The following RASGRF2 variants were observed in gnomAD, a reference collection of about 807,000 sequenced individuals.
The protein encoded by RASGRF2 is ras-specific guanine nucleotide-releasing factor 2.
A neutral mutation model predicts 151.0 loss-of-function variants in RASGRF2; 76 were observed. The observed-to-expected ratio is 0.50, with a 90% CI of 0.42 to 0.61. RASGRF2 has a LOEUF of 0.61. Ranked by LOEUF, RASGRF2 falls within the 20% of genes least tolerant of loss-of-function variation. RASGRF2 has a pLI of 0.00. For missense variants in RASGRF2, 1,148 were observed against 1,564.6 expected (o/e 0.73, Z 4.49); for synonymous variants, 504 against 566.5 (o/e 0.89, Z 1.57).
chr5:81,041,567 T>C lies in RASGRF2; in HGVS notation c.289-1310T>C, dbSNP rs111763288. ...AACTGTGATCTGAGGACTCTCCTTG[T>C]TGTAAAGTTCCCCATTCCATGTCTG... On this transcript the variant is annotated intron_variant, in intron 1 of 26. Coordinates refer to ENST00000265080, the MANE Select transcript of RASGRF2 (RefSeq NM_006909.3). Among the ~76,000 whole-genome samples the C allele has an allele frequency of 5.9e-4, 90 of 152,356 alleles. 1 individual carries two copies. The highest frequency in any genetic ancestry group is 2.0e-3 in the African/African-American group (84 of 41,584).
At chr5:80,994,332 C>G (rs914535829) in intron 1 of RASGRF2, among the ~76,000 whole-genome samples, 21 of 146,498 alleles carry the variant, frequency 1.4e-4, no homozygotes, top group Non-Finnish European at 2.8e-4. Context: ...CACCACTGCA[C>G]TCCAGCCTGG....
At chr5:81,161,900 A>G (rs1391669343) in intron 17 of RASGRF2, among the ~76,000 whole-genome samples, 1 of 148,522 alleles carries the variant, frequency 6.7e-6, no homozygotes, top group Non-Finnish European at 1.5e-5. Context: ...TTATTTTGCC[A>G]GTCAGACCGT....
chr5:81,208,295 T>A, intron 21 of RASGRF2, 59 bp from the exon 22 acceptor site: 1 of 1,431,900 alleles, frequency 7.0e-7, no homozygotes. Context: ...CTGTCCAGGA[T>A]CATAGCCACC....
At chr5:81,081,758 T>C (rs1752093648) in intron 7 of RASGRF2, among the ~76,000 whole-genome samples, 1 of 152,222 alleles carries the variant, frequency 6.6e-6, no homozygotes, top group Admixed American at 6.5e-5. Context: ...GCCTTGAAGT[T>C]TGTCAGTCCT....
intron 6 of RASGRF2, 90 bp from the exon 7 acceptor site, chr5:81,080,506 G>A: frequency 7.5e-7 from 1 of 1,324,854 alleles, no homozygotes; most frequent in Non-Finnish European, 1.1e-6. Flanking sequence ...GTGACACCTG[G>A]TGCTGGGACC....
chr5:81,154,574 A>C (rs891969308), intron 17 of RASGRF2, among the ~76,000 whole-genome samples: 1 of 152,264 alleles, frequency 6.6e-6, no homozygotes, highest in Non-Finnish European at 1.5e-5. Context: ...TCTCCAAGAT[A>C]CACCATACAT....
At chr5:81,003,362 A>T (rs962788771) in intron 1 of RASGRF2, among the ~76,000 whole-genome samples, 10 of 151,992 alleles carry the variant, frequency 6.6e-5, no homozygotes, top group African/African-American at 2.4e-4. Flanking sequence ...AGCTGGGACT[A>T]CAGGTGCCCA....
intron 1 of RASGRF2, among the ~76,000 whole-genome samples, chr5:80,993,699 G>T (rs1469448060): frequency 6.6e-6 from 1 of 152,218 alleles, no homozygotes; most frequent in Admixed American, 6.5e-5. Context: ...AGGCAAGAGG[G>T]AAGGGAGTGG....
intron 17 of RASGRF2, among the ~76,000 whole-genome samples, chr5:81,174,100 A>G (rs1057381273): frequency 2.0e-5 from 3 of 152,226 alleles, no homozygotes; most frequent in Non-Finnish European, 4.4e-5. Context: ...AACAGGTGCT[A>G]CCAAAAGTTC....
At chr5:81,067,807 A>G (rs1751652446) in intron 2 of RASGRF2, among the ~76,000 whole-genome samples, 1 of 152,234 alleles carries the variant, frequency 6.6e-6, no homozygotes, top group Admixed American at 6.5e-5. Flanking sequence ...GGTAGCAAGT[A>G]TCATTAAGTG....
At chr5:81,219,679 T>C in intron 25 of RASGRF2, 31 bp from the exon 26 acceptor site, 2 of 1,555,018 alleles carry the variant, frequency 1.3e-6, no homozygotes, top group African/African-American at 2.7e-5. Flanking sequence ...CTTTTGTTGT[T>C]GTCATTTTGT....
At chr5:81,152,150 T>C (rs60777794) in intron 17 of RASGRF2, among the ~76,000 whole-genome samples, 4,606 of 152,180 alleles carry the variant, frequency 0.03, 237 homozygotes, top group African/African-American at 0.11. Context: ...TACAGGTGCG[T>C]GCCAACATGC....
intron 1 of RASGRF2, among the ~76,000 whole-genome samples, chr5:81,016,871 A>G (rs55815456): frequency 0.049 from 7,435 of 152,256 alleles, 237 homozygotes; most frequent in Non-Finnish European, 0.072. Context: ...TAAAAAATAT[A>G]AACTCCTCTC....
chr5:81,176,988 T>C (rs967926009), intron 17 of RASGRF2, among the ~76,000 whole-genome samples: 4 of 152,172 alleles, frequency 2.6e-5, no homozygotes, highest in African/African-American at 9.7e-5. Context: ...CAGGTTTATG[T>C]GGGCGTCTCA....
chr5:81,028,149 C>G (rs902223955), intron 1 of RASGRF2, among the ~76,000 whole-genome samples: 1 of 151,724 alleles, frequency 6.6e-6, no homozygotes, highest in Non-Finnish European at 1.5e-5. Context: ...CTAGACGAGC[C>G]TGAAAACTGA....
At chr5:81,141,602 GA>G (rs1753887093) in intron 17 of RASGRF2, among the ~76,000 whole-genome samples, 1 of 152,208 alleles carries the variant, frequency 6.6e-6, no homozygotes, top group East Asian at 1.9e-4. Context: ...AAGAGCTTGG[GA>G]AGCTTGAATT....
At chr5:81,057,092 A>T (rs1189668195) in intron 2 of RASGRF2, among the ~76,000 whole-genome samples, 1 of 152,136 alleles carries the variant, frequency 6.6e-6, no homozygotes, top group Non-Finnish European at 1.5e-5. Context: ...CCAATTTGCC[A>T]GTCTGTGTCT....
At chr5:81,004,629 A>G (rs12152989) in intron 1 of RASGRF2, among the ~76,000 whole-genome samples, 31,214 of 152,168 alleles carry the variant, frequency 0.21, 3,262 homozygotes, top group Admixed American at 0.24. Flanking sequence ...ACTTTTCCTT[A>G]AAGCACGTGG....
intron 5 of RASGRF2, among the ~76,000 whole-genome samples, chr5:81,077,527 G>A (rs572988319): frequency 1.3e-5 from 2 of 152,318 alleles, no homozygotes; most frequent in Admixed American, 1.3e-4. Context: ...CTGATAATAC[G>A]AGATTAAAAG....
Sources: gnomAD v4.1 joint callset for allele counts (sites outside exome capture counted in the v4.1 genomes callset) on GRCh38, gnomAD v4.1.1 for gene constraint, MANE v1.5 for transcripts, NCBI Gene and HGNC (gene_info 2026-07-23, HGNC 2026-07-21) for gene names.